CCDC102B: variants seen among roughly 807,000 people sequenced by gnomAD.
CCDC102B encodes the protein coiled-coil domain-containing protein 102B.
In CCDC102B, 75 loss-of-function variants were observed where a neutral mutation model predicts 57.4. The ratio of observed to expected loss-of-function variants is 1.31; its 90% CI spans 1.08 to 1.58. CCDC102B has a LOEUF of 1.58. Ranked by LOEUF, CCDC102B falls within the 40% of genes most tolerant of loss-of-function variation. CCDC102B has a pLI of 0.00. For synonymous variants in CCDC102B, 206 were observed against 201.9 expected (o/e 1.02, Z -0.17); for missense variants, 636 against 582.6 (o/e 1.09, Z -0.94).
At chr18:68,893,646 C>G (rs1408612794) in intron 5 of CCDC102B, among the ~76,000 whole-genome samples, 2 of 152,110 alleles carry the variant, frequency 1.3e-5, no homozygotes, top group Non-Finnish European at 2.9e-5. Flanking sequence ...ATGACACAGT[C>G]CTGGTTTCAT....
intron 5 of CCDC102B, among the ~76,000 whole-genome samples, chr18:68,876,115 A>G (rs1271179793): frequency 6.6e-6 from 1 of 152,234 alleles, no homozygotes; most frequent in African/African-American, 2.4e-5. Context: ...AGCATCTTTC[A>G]TTAAACATTG....
At chr18:68,984,451 G>A (rs1048821646) in intron 6 of CCDC102B, among the ~76,000 whole-genome samples, 2 of 152,056 alleles carry the variant, frequency 1.3e-5, no homozygotes, top group African/African-American at 4.8e-5. Context: ...TTCCCAAGGG[G>A]ACTTTGAAAC....
intron 5 of CCDC102B, among the ~76,000 whole-genome samples, chr18:68,878,791 G>A (rs2039554553): frequency 6.6e-6 from 1 of 152,122 alleles, no homozygotes; most frequent in African/African-American, 2.4e-5. Context: ...AAGCACAGAT[G>A]GGCAAGTGTA....
At chr18:69,004,794 T>C (rs3933569) in intron 6 of CCDC102B, among the ~76,000 whole-genome samples, 130,590 of 152,072 alleles carry the variant, frequency 0.86, 57,971 homozygotes, top group Non-Finnish European at 0.97. Flanking sequence ...ATAACACAGT[T>C]ATTGGCACAC....
intron 6 of CCDC102B, among the ~76,000 whole-genome samples, chr18:68,996,061 T>G (rs137868258): frequency 6.6e-6 from 1 of 152,198 alleles, no homozygotes; most frequent in Admixed American, 6.5e-5. Context: ...GTCAACTTGA[T>G]TAGACTGAAA....
intron 2 of CCDC102B, among the ~76,000 whole-genome samples, chr18:68,776,942 A>C (rs1568244487): frequency 6.6e-6 from 1 of 151,986 alleles, no homozygotes; most frequent in East Asian, 1.9e-4. Context: ...CACTCCTTAC[A>C]TCCTTTGTGG....
At chr18:68,879,453 G>C (rs1030806939) in intron 5 of CCDC102B, among the ~76,000 whole-genome samples, 2 of 152,124 alleles carry the variant, frequency 1.3e-5, no homozygotes, top group Non-Finnish European at 2.9e-5. Context: ...CTGATTGGTA[G>C]AGTCCAGTGG....
At chr18:68,885,043 G>C (rs1249391866) in intron 5 of CCDC102B, among the ~76,000 whole-genome samples, 1 of 151,842 alleles carries the variant, frequency 6.6e-6, no homozygotes, top group African/African-American at 2.4e-5. Context: ...AGTAGAAGTA[G>C]ATTAAAAGCC....
rs1392131812 is a variant in CCDC102B, at chr18:68,836,872, A to G, written c.109A>G (p.Arg37Gly). 6 of 1,614,094 alleles carry G rather than the reference A, an allele frequency of 3.7e-6. No individual in the cohort carries two copies. The highest frequency in any genetic ancestry group is 5.1e-6 in the Non-Finnish European group (6 of 1,179,996). The change falls in exon 2 of 8, where the codon AGG (arginine) becomes GGG (glycine). Residue 37 changes from arginine to glycine, a missense_variant. Physicochemically the swap from Arg to Gly is moderately radical, Grantham distance 125. Coordinates refer to ENST00000360242, the MANE Select transcript of CCDC102B (RefSeq NM_024781.3). ...GDMVAPASPP[R>G]DTCNTCFPLH... ...CATGGTGGCACCTGCCTCACCCCCC[A>G]GGGATACCTGTAATACCTGCTTCCC...
chr18:68,894,667 A>G (rs1345106108), intron 5 of CCDC102B, among the ~76,000 whole-genome samples: 4 of 151,870 alleles, frequency 2.6e-5, no homozygotes, highest in Non-Finnish European at 5.9e-5. Flanking sequence ...TACAAAATAA[A>G]AACTAAAACT....
intron 6 of CCDC102B, among the ~76,000 whole-genome samples, chr18:68,965,547 A>G (rs1230870911): frequency 6.6e-6 from 1 of 151,618 alleles, no homozygotes; most frequent in Non-Finnish European, 1.5e-5. Flanking sequence ...CCAACATGGC[A>G]CATGTATACA....
intron 2 of CCDC102B, among the ~76,000 whole-genome samples, chr18:68,761,913 A>T (rs1299335305): frequency 6.6e-6 from 1 of 151,652 alleles, no homozygotes; most frequent in Non-Finnish European, 1.5e-5. Context: ...TCATTGACTG[A>T]ACTTGTATAT....
chr18:69,025,952 A>G (rs2051976772), intron 7 of CCDC102B, among the ~76,000 whole-genome samples: 1 of 152,150 alleles, frequency 6.6e-6, no homozygotes, highest in African/African-American at 2.4e-5. Context: ...CAAGCAGTCT[A>G]CAAGGGGTGC....
intron 7 of CCDC102B, among the ~76,000 whole-genome samples, chr18:69,048,547 C>T (rs982076871): frequency 2.0e-5 from 3 of 151,908 alleles, no homozygotes; most frequent in Non-Finnish European, 1.5e-5. Flanking sequence ...TAGATAGCAA[C>T]AAAATGTGGG....
intron 2 of CCDC102B, among the ~76,000 whole-genome samples, chr18:68,725,228 A>G (rs907766399): frequency 1.2e-4 from 19 of 152,230 alleles, no homozygotes; most frequent in African/African-American, 4.6e-4. Flanking sequence ...ATGAGGACAC[A>G]GATAACCATA....
chr18:68,969,852 A>G (rs2050258373), intron 6 of CCDC102B, among the ~76,000 whole-genome samples: 1 of 152,124 alleles, frequency 6.6e-6, no homozygotes, highest in African/African-American at 2.4e-5. Flanking sequence ...AGAAGCATGT[A>G]ATCAGAAATA....
chr18:69,030,427 A>T (rs2052108358), intron 7 of CCDC102B, among the ~76,000 whole-genome samples: 1 of 152,226 alleles, frequency 6.6e-6, no homozygotes, highest in Non-Finnish European at 1.5e-5. Flanking sequence ...TGGTTACAAA[A>T]TAATGAAAAT....
intron 3 of CCDC102B, among the ~76,000 whole-genome samples, chr18:68,846,109 G>A (rs1457302050): frequency 6.6e-6 from 1 of 151,748 alleles, no homozygotes. Context: ...GTAATCTACT[G>A]TAAAGTTAAT....
At chr18:68,728,273 T>C (rs1001678136) in intron 2 of CCDC102B, among the ~76,000 whole-genome samples, 3 of 152,186 alleles carry the variant, frequency 2.0e-5, no homozygotes, top group Non-Finnish European at 2.9e-5. Flanking sequence ...GGGAAGAAAG[T>C]CTAACATATA....
Sources: allele counts gnomAD v4.1 joint callset (sites outside exome capture counted in the v4.1 genomes callset), GRCh38; gene constraint gnomAD v4.1.1; transcripts MANE v1.5; gene names NCBI Gene and HGNC (gene_info 2026-07-23, HGNC 2026-07-21).